NID2: variants seen among roughly 807,000 people sequenced by gnomAD.
NID2 encodes nidogen 2, also known as nidogen-2.
NID2 carries 83 observed loss-of-function variants against 145.4 expected under a neutral mutation model. The ratio of observed to expected loss-of-function variants is 0.57; its 90% CI spans 0.48 to 0.69. NID2 has a LOEUF of 0.69. Among genes scored for constraint, NID2 ranks in the 30% least tolerant of loss-of-function variants. NID2 has a pLI of 0.00. For synonymous variants in NID2, 739 were observed against 701.3 expected, an observed-to-expected ratio of 1.05 and a Z score of -0.85; for missense variants, 1,807 against 1,765.7, an observed-to-expected ratio of 1.02 and a Z score of -0.42.
intron 2 of NID2, among the ~76,000 whole-genome samples, chr14:52,064,027 T>C (rs1301736671): frequency 6.6e-6 from 1 of 152,244 alleles, no homozygotes; most frequent in Non-Finnish European, 1.5e-5. Flanking sequence ...ATCTTCACAG[T>C]GATATCTCAG....
At chr14:52,012,591 C>T (rs911439992) in intron 16 of NID2, among the ~76,000 whole-genome samples, 2 of 152,058 alleles carry the variant, frequency 1.3e-5, no homozygotes, top group East Asian at 1.9e-4. Context: ...CAGAGCTACA[C>T]CCTGTCTCAA....
At chr14:52,029,136 A>C (rs1271418883) in intron 10 of NID2, among the ~76,000 whole-genome samples, 1 of 152,200 alleles carries the variant, frequency 6.6e-6, no homozygotes, top group Non-Finnish European at 1.5e-5. Flanking sequence ...GAAAACCAAC[A>C]ATTTTTTTTA....
At chr14:52,039,093 C>T (rs2029976) in intron 8 of NID2, 116 bp from the exon 9 acceptor site, 575,756 of 730,626 alleles carry the variant, frequency 0.79, 227,809 homozygotes, top group South Asian at 0.88. Flanking sequence ...CCTTGGGAAC[C>T]TCCTGAGTTT....
Position 52,009,491 on chromosome 14 carries a change from C to T in NID2, c.3722+1385G>A, listed in dbSNP as rs73284368. 933 of 152,244 alleles carry T rather than the reference C, an allele frequency of 6.1e-3. 8 individuals carry two copies. The highest frequency in any genetic ancestry group is 0.022 in the African/African-American group (897 of 41,526). The allele number at this position is 152,244 out of a possible 1,614,324, so 9.4% of individuals were successfully genotyped here. On this transcript the variant is annotated intron_variant, in intron 18 of 21. Coordinates refer to ENST00000216286, the MANE Select transcript of NID2 (RefSeq NM_007361.4). ...ACATGTGTTATATTGCAACCTGGTT[C>T]AAGGTGGGTTTTCTTTTTATTAAAA...
At chr14:52,012,042 TTAA>T in intron 16 of NID2, 1 of 135,096 alleles carries the variant, frequency 7.4e-6, no homozygotes, top group Non-Finnish European at 1.6e-5. Flanking sequence ...GACTGATGAT[TTAA>T]AAAAAAAAAA....
At chr14:52,029,836 G>A (rs1052316389) in intron 9 of NID2, 146 bp from the exon 10 acceptor site, 5 of 659,648 alleles carry the variant, frequency 7.6e-6, no homozygotes, top group Non-Finnish European at 1.2e-5. Flanking sequence ...TCTGAAGCTA[G>A]GGTGGATTTT....
chr14:52,009,830 T>G (rs1664950897), intron 18 of NID2: 1 of 150,896 alleles, frequency 6.6e-6, no homozygotes, highest in African/African-American at 2.5e-5. Flanking sequence ...CGACTAAAAA[T>G]ACAAAAATTA....
rs147144483 is a variant in NID2 at position 52,030,608 on chromosome 14, G to A, written c.2258-918C>T. Among the ~76,000 whole-genome samples, 33 of 76,968 alleles carry A rather than the reference G, an allele frequency of 4.3e-4. No homozygotes were observed. In the East Asian group the frequency reaches 0.014, roughly 33 times the overall value. The allele number at this position is 76,968 out of a possible 152,430, so 50.5% of individuals were successfully genotyped here. Reference sequence around the variant, plus strand: ...AAAGAAAGAAAGAAAGAAAGAAAGAGAAAGAAAAAGAAAGAAAGAGAAAGA... The same window carrying A: ...AAAGAAAGAAAGAAAGAAAGAAAGAAAAAGAAAAAGAAAGAAAGAGAAAGA... On this transcript the variant is annotated intron_variant, in intron 9 of 21. Transcript: ENST00000216286.
In NID2 at chr14:52,053,645, T is replaced by A. The variant is rs746809793; in HGVS notation, c.1363A>T (p.Thr455Ser). The A allele has an allele frequency of 6.2e-7, 1 of 1,614,246 alleles. No individual in the cohort carries two copies. The change falls in exon 5 of 22, where the codon ACT (threonine) becomes TCT (serine). Residue 455 changes from threonine to serine, a missense_variant. Physicochemically the swap from Thr to Ser is moderately conservative, Grantham distance 58. Transcript: ENST00000216286. ...VLRSYPASGH[T>S]TPLSRGTYEV... ...TACGTCCCTCGACTTAAGGGTGTAG[T>A]GTGACCTGAAGCAGGGTAACTTCGA...
intron 12 of NID2, among the ~76,000 whole-genome samples, chr14:52,021,877 G>A (rs1891412000): frequency 6.6e-6 from 1 of 152,184 alleles, no homozygotes. Flanking sequence ...CAAATGCCCA[G>A]CTGGGCAAAA....
chr14:52,060,366 A>G lies in NID2; in HGVS notation c.535-10T>C. 4.0e-6 allele frequency: 3 copies of G among 757,880 alleles called. No individual in the cohort carries two copies. Among genetic ancestry groups the G allele is most frequent in the Non-Finnish European group, 5.5e-6 (3 of 546,348 alleles). The allele number at this position is 757,880 out of a possible 1,614,324, so 46.9% of individuals were successfully genotyped here. A position where few individuals can be genotyped will look rare whatever the true frequency, so the allele number is the denominator to read the frequency against. Reference sequence around the variant, plus strand: ...CCTGGAAAGTGTTCAGCTGTGAGGAAAAAAAAAAAAAAAGAGAGAGAGAGA... The same window carrying G: ...CCTGGAAAGTGTTCAGCTGTGAGGAGAAAAAAAAAAAAAGAGAGAGAGAGA... On this transcript the variant is annotated splice_polypyrimidine_tract_variant and intron_variant, in intron 2 of 21. Coordinates refer to ENST00000216286, the MANE Select transcript of NID2 (RefSeq NM_007361.4).
In NID2 at chr14:52,011,671, C is replaced by G. The variant is rs775860434; in HGVS notation, c.3433G>C (p.Val1145Leu). The G allele has an allele frequency of 1.9e-6, 3 of 1,614,016 alleles. No homozygotes were observed. The highest frequency in any genetic ancestry group is 2.5e-6 in the Non-Finnish European group (3 of 1,180,026). The change falls in exon 17 of 22, where the codon GTG becomes CTG. Residue 1145 changes from valine to leucine, a missense_variant. Physicochemically the swap from Val to Leu is conservative, Grantham distance 32. Transcript: ENST00000216286. ...TCCCGGCAGTCGTAATCAATTCCCACGATTATGGAGCCCTTTGTGCATCAA... is the reference window on the plus strand; with the variant it reads ...TCCCGGCAGTCGTAATCAATTCCCAGGATTATGGAGCCCTTTGTGCATCAA... ...TLLSLHGSII[V>L]GIDYDCRERM...
rs1566742029 is a variant in NID2, at chr14:52,011,615, T to C, written c.3489A>G (p.Gly1163=). ...CCAGACCAGCACGGCTGATTGTCCGTCCAGCAACATCTGTCCAGTACACCA... is the reference window on the plus strand; with the variant it reads ...CCAGACCAGCACGGCTGATTGTCCGCCCAGCAACATCTGTCCAGTACACCA... The part of the protein sequence containing the change: ...ERMVYWTDVA[G]RTISRAGLEL... Residue 1163 remains glycine, a synonymous_variant, in exon 17 of 22, where the codon GGA becomes GGG. Coordinates refer to ENST00000216286, the MANE Select transcript of NID2 (RefSeq NM_007361.4). 1 of 1,614,202 alleles carries C rather than the reference T, an allele frequency of 6.2e-7. No homozygotes were observed. The highest frequency in any genetic ancestry group is 1.1e-5 in the South Asian group (1 of 91,082).
intron 5 of NID2, among the ~76,000 whole-genome samples, chr14:52,047,467 G>C (rs1892543542): frequency 6.6e-6 from 1 of 152,120 alleles, no homozygotes; most frequent in South Asian, 2.1e-4. Context: ...CAGGGTCTCA[G>C]AGATCACAGG....
intron 12 of NID2, chr14:52,020,395 G>T: frequency 1.8e-6 from 1 of 566,948 alleles, no homozygotes; most frequent in Non-Finnish European, 2.9e-6. Context: ...TAACACACTA[G>T]ACTAAACGTG....
chr14:52,034,702 T>C (rs1281235937), intron 9 of NID2, among the ~76,000 whole-genome samples: 5 of 152,228 alleles, frequency 3.3e-5, no homozygotes, highest in Admixed American at 2.6e-4. Context: ...TCAGCTCCAA[T>C]AACAAAGCAC....
chr14:52,066,267 G>C (rs1362452547), intron 2 of NID2, among the ~76,000 whole-genome samples: 3 of 151,620 alleles, frequency 2.0e-5, no homozygotes, highest in Non-Finnish European at 4.4e-5. Flanking sequence ...ATGGTTACCA[G>C]AGGCTGGGAA....
At position 52,019,049 on chromosome 14, in the gene NID2, G is replaced by A; in HGVS notation, c.3028+12C>T. On this transcript the variant is annotated intron_variant, in intron 14 of 21. Coordinates refer to ENST00000216286, the MANE Select transcript of NID2 (RefSeq NM_007361.4). ...TGCCATTCTGCTTCTTGAGCCCCAG[G>A]CCTAAGCTCACCTGGTGATGGTCCA... 6.2e-7 allele frequency: 1 copy of A among 1,607,602 alleles called. No homozygotes were observed. Among genetic ancestry groups the A allele is most frequent in the Non-Finnish European group, 8.5e-7 (1 of 1,174,784 alleles).
At position 52,004,886 on chromosome 14, in the gene NID2, T is replaced by A. The variant is rs1403218972; in HGVS notation, c.*600A>T. 4 of 165,778 alleles carry A rather than the reference T, an allele frequency of 2.4e-5. No homozygotes were observed. Among genetic ancestry groups the A allele is most frequent in the Non-Finnish European group, 5.2e-5 (4 of 77,486 alleles). 10.3% of individuals were successfully genotyped at this position (165,778 alleles called of 1,614,324 possible). The stretch of plus-strand genomic sequence containing the variant: ...TCTTTGGTATTTATAAATGTGATAC[T>A]TTACTTTCTGTGGGTACTTCTATAG... On this transcript the variant is annotated 3_prime_UTR_variant, in exon 22 of 22. Coordinates refer to ENST00000216286, the MANE Select transcript of NID2 (RefSeq NM_007361.4).
Sources: gnomAD v4.1 joint callset for allele counts (sites outside exome capture counted in the v4.1 genomes callset) on GRCh38, gnomAD v4.1.1 for gene constraint, MANE v1.5 for transcripts, NCBI Gene and HGNC (gene_info 2026-07-23, HGNC 2026-07-21) for gene names.